Variants in P4HA1 observed in about 807,000 individuals in gnomAD.
P4HA1 encodes prolyl 4-hydroxylase subunit alpha 1.
Under a neutral mutation model 72.8 loss-of-function variants are expected in P4HA1, and 24 were observed. The ratio of observed to expected loss-of-function variants is 0.33; its 90% confidence interval spans 0.24 to 0.46. The LOEUF is 0.46. Among genes scored for constraint, P4HA1 ranks in the 20% least tolerant of loss-of-function variants. The probability of loss-of-function intolerance (pLI) is 1.00; values close to 1 mark genes in which losing one functional copy is unlikely to be tolerated. For missense variants in P4HA1, 446 were observed against 640.6 expected (o/e 0.70, Z 3.28); for synonymous variants, 201 against 218.8 (o/e 0.92, Z 0.72).
At chr10:73,074,762 T>C (rs201162747) in intron 2 of P4HA1, 46 bp downstream of exon 2, 23 of 1,016,388 alleles carry the variant, frequency 2.3e-5, no homozygotes, top group Non-Finnish European at 3.3e-5. Context: ...AAAATGGAAA[T>C]TAAAAAATGC....
chr10:73,021,537 A>G (rs1198584673), intron 10 of P4HA1, among the ~76,000 whole-genome samples: 1 of 152,236 alleles, frequency 6.6e-6, no homozygotes, highest in Non-Finnish European at 1.5e-5. Context: ...TCATTATATT[A>G]GTAAAATAAG....
At chr10:73,043,387 GT>G (rs1454486249) in intron 9 of P4HA1, among the ~76,000 whole-genome samples, 1 of 152,180 alleles carries the variant, frequency 6.6e-6, no homozygotes, top group African/African-American at 2.4e-5. Flanking sequence ...TGAGCTCTAA[GT>G]TACACAGTGA....
intron 5 of P4HA1, among the ~76,000 whole-genome samples, chr10:73,058,841 G>A (rs1016110648): frequency 5.4e-5 from 8 of 148,080 alleles, no homozygotes; most frequent in East Asian, 4.0e-4. Context: ...GCAGTGGTGC[G>A]ATGGCTCACT....
intron 2 of P4HA1, 127 bp downstream of exon 2, chr10:73,074,681 T>C: frequency 1.7e-6 from 1 of 605,468 alleles, no homozygotes; most frequent in Non-Finnish European, 3.0e-6. Context: ...AAAGGACCTT[T>C]TAGGGGGCAG....
chr10:73,095,227 TAAAAAAAAAAAAA>T (rs35159575), intron 1 of P4HA1, among the ~76,000 whole-genome samples: 3 of 67,344 alleles, frequency 4.5e-5, no homozygotes, highest in South Asian at 8.9e-4. Context: ...GCTCACAAGC[TAAAAAAAAAAAAA>T]AAAAAAAAAA....
At chr10:73,026,211 C>T (rs1195264044) in intron 10 of P4HA1, among the ~76,000 whole-genome samples, 1 of 152,158 alleles carries the variant, frequency 6.6e-6, no homozygotes, top group Non-Finnish European at 1.5e-5. Flanking sequence ...AACTATACTA[C>T]AAGGCTACAG....
At chr10:73,016,740 G>T in intron 11 of P4HA1, 106 bp downstream of exon 11, 1 of 762,270 alleles carries the variant, frequency 1.3e-6, no homozygotes, top group Non-Finnish European at 2.2e-6. Context: ...TCGTGCTACT[G>T]CACTCCAGCC....
At chr10:73,054,611 T>G (rs1310462573) in intron 5 of P4HA1, among the ~76,000 whole-genome samples, 1 of 152,232 alleles carries the variant, frequency 6.6e-6, no homozygotes, top group African/African-American at 2.4e-5. Context: ...CTTGAGTATA[T>G]ACATATGAAT....
rs1454301112 is a variant in P4HA1, at chr10:73,075,740, ATAGT to A, written c.-32-829_-32-826del. Among the ~76,000 whole-genome samples, 245 of 148,550 alleles carry A rather than the reference ATAGT, an allele frequency of 1.6e-3. 7 individuals are homozygous for A. Among genetic ancestry groups the A allele is most frequent in the African/African-American group, 5.8e-3 (224 of 38,726 alleles). On this transcript the variant is annotated intron_variant, in intron 1 of 14. Transcript: ENST00000394890. ...TTTCATATATATTTTATATATATATATAGTGTGTGTGTGTGTGTGTATGTGTGTA... is the reference window on the plus strand; with the variant it reads ...TTTCATATATATTTTATATATATATAGTGTGTGTGTGTGTGTATGTGTGTA...
At chr10:73,012,393 C>T (rs1839925368) in intron 12 of P4HA1, among the ~76,000 whole-genome samples, 1 of 152,214 alleles carries the variant, frequency 6.6e-6, no homozygotes, top group Non-Finnish European at 1.5e-5. Context: ...GGTACAACCT[C>T]TAAGACTCAC....
At chr10:73,023,962 C>T (rs1376442350) in intron 10 of P4HA1, among the ~76,000 whole-genome samples, 1 of 152,054 alleles carries the variant, frequency 6.6e-6, no homozygotes, top group Admixed American at 6.5e-5. Context: ...TATATGCACC[C>T]AATACAGGGG....
At chr10:73,037,799 A>C (rs2133075169) in intron 9 of P4HA1, among the ~76,000 whole-genome samples, 1 of 150,778 alleles carries the variant, frequency 6.6e-6, no homozygotes, top group Non-Finnish European at 1.5e-5. Context: ...CCACAGTTCA[A>C]CCCATTACAG....
At position 73,053,367 on chromosome 10, in the gene P4HA1, C is replaced by T; in HGVS notation, c.687G>A (p.Lys229=). 6.2e-7 allele frequency: 1 copy of T among 1,614,118 alleles called. No individual in the cohort carries two copies. The highest frequency in any genetic ancestry group is 8.5e-7 in the Non-Finnish European group (1 of 1,179,980). Residue 229 remains lysine (K), a synonymous_variant, in exon 6 of 15, where the codon AAG becomes AAA. Transcript: ENST00000394890. ...ATAACATACCTAGTTCAAGAAGCTT[C>T]TTTGTGAGCAAAAGTGCCTTATCCA... ...GDLDKALLLT[K]KLLELDPEHQ...
Position 73,085,054 on chromosome 10 carries a change from T to C in P4HA1, c.-32-10139A>G, listed in dbSNP as rs142072734. On this transcript the variant is annotated intron_variant, in intron 1 of 14. Transcript: ENST00000394890. Reference sequence around the variant, plus strand: ...AACTCAGGAGGCTGAGGTGGAAGGATTGCTTGAACCCAGGAGGCAGAGGGT... The same window carrying C: ...AACTCAGGAGGCTGAGGTGGAAGGACTGCTTGAACCCAGGAGGCAGAGGGT... Among the ~76,000 whole-genome samples the C allele has an allele frequency of 3.5e-3, 536 of 152,242 alleles. 1 individual carries two copies. Among genetic ancestry groups the C allele is most frequent in the Middle Eastern group, 0.014 (4 of 294 alleles).
At chr10:73,044,001 C>G (rs1840795990) in intron 9 of P4HA1, 1 of 1,460,110 alleles carries the variant, frequency 6.8e-7, no homozygotes, top group South Asian at 1.2e-5. Context: ...CAGTAGCAGG[C>G]AATTTTGGGC....
Position 73,022,953 on chromosome 10 carries a change from TAGAA to T in P4HA1, c.1249-6058_1249-6055del, listed in dbSNP as rs1260026139. Among the ~76,000 whole-genome samples the T allele has an allele frequency of 4.6e-5, 7 of 151,718 alleles. No individual in the cohort carries two copies. The East Asian group carries it at 1.2e-3, about 25-fold the overall frequency. ...GAAGACAAGTTTAGAGAAAAATGAGTAGAAAGAAACAAATAAAGCCTCCAAGAAA... is the reference window on the plus strand; with the variant it reads ...GAAGACAAGTTTAGAGAAAAATGAGTAGAAACAAATAAAGCCTCCAAGAAA... On this transcript the variant is annotated intron_variant, in intron 10 of 14. Transcript: ENST00000394890.
At chr10:73,089,507 A>G (rs7072019) in intron 1 of P4HA1, among the ~76,000 whole-genome samples, 7,334 of 152,188 alleles carry the variant, frequency 0.048, 555 homozygotes, top group African/African-American at 0.16. Context: ...CTCTCCAACA[A>G]CTTGTACATG....
intron 1 of P4HA1, among the ~76,000 whole-genome samples, chr10:73,089,159 TACAC>T: frequency 6.6e-6 from 1 of 152,322 alleles, no homozygotes; most frequent in South Asian, 2.1e-4. Flanking sequence ...ATACAAATAT[TACAC>T]ACCATTTGAA....
intron 1 of P4HA1, among the ~76,000 whole-genome samples, chr10:73,092,197 T>C (rs1275175239): frequency 6.6e-6 from 1 of 152,152 alleles, no homozygotes; most frequent in African/African-American, 2.4e-5. Flanking sequence ...TTCCATTCAG[T>C]GCTACAGATT....
Sources: allele counts gnomAD v4.1 joint callset (sites outside exome capture counted in the v4.1 genomes callset), GRCh38; gene constraint gnomAD v4.1.1; transcripts MANE v1.5; gene names NCBI Gene and HGNC (gene_info 2026-07-23, HGNC 2026-07-21).